VCP: variants seen among roughly 807,000 people sequenced by gnomAD.
VCP encodes the protein valosin containing protein.
In VCP, 6 loss-of-function variants were observed where a neutral mutation model predicts 85.7. That is an observed-to-expected ratio of 0.07 (90% CI 0.04 to 0.14). The LOEUF is 0.14. Ranked by LOEUF, VCP falls within the 10% of genes least tolerant of loss-of-function variation. The probability of loss-of-function intolerance (pLI) is 1.00; values close to 1 mark genes in which losing one functional copy is unlikely to be tolerated. For synonymous variants in VCP, 384 were observed against 367.1 expected, an observed-to-expected ratio of 1.05 and a Z score of -0.53; for missense variants, 353 against 1,043.4, an observed-to-expected ratio of 0.34 and a Z score of 9.12.
In VCP at chr9:35,068,300, A is replaced by G; in HGVS notation, c.80T>C (p.Ile27Thr). ...LKQKNRPNRLIVDEAINEDNS... is the reference protein window; with the variant it reads ...LKQKNRPNRLTVDEAINEDNS... ...GTCCTCATTGATGGCTTCATCAACA[A>G]TTAACCGATTGGGACGGTTCTTCTG... The change falls in exon 2 of 17, where the codon ATT (isoleucine) becomes ACT (threonine). Residue 27 changes from isoleucine to threonine, a missense_variant. Ile to Thr is a moderately conservative substitution (Grantham distance 89). Transcript: ENST00000358901. 11 of 1,614,210 alleles carry G rather than the reference A, an allele frequency of 6.8e-6. No individual in the cohort carries two copies. Among genetic ancestry groups the G allele is most frequent in the Non-Finnish European group, 8.5e-6 (10 of 1,180,030 alleles).
At chr9:35,066,283 A>T (rs1224529334) in intron 4 of VCP, among the ~76,000 whole-genome samples, 1 of 141,154 alleles carries the variant, frequency 7.1e-6, no homozygotes, top group African/African-American at 2.6e-5. Flanking sequence ...TTTTTTTGAG[A>T]CAGAGTCTTG....
Position 35,067,964 on chromosome 9 carries a change from A to C in VCP, c.229T>G (p.Cys77Gly), listed in dbSNP as rs781182130. The C allele has an allele frequency of 1.2e-6, 2 of 1,614,250 alleles. No homozygotes were observed. Among genetic ancestry groups the C allele is most frequent in the Non-Finnish European group, 1.7e-6 (2 of 1,180,060 alleles). ...TTCATCCGAATCTTCTCATCAGAAC[A>C]AGTATCATCAGAAAGGACGATGCAA... The part of the protein sequence containing the change: ...AVCIVLSDDT[C>G]SDEKIRMNRV... Residue 77 changes from cysteine (C) to glycine (G), a missense_variant, in exon 3 of 17, where the codon TGT becomes GGT. By Grantham distance (159) the Cys-to-Gly change is radical (BLOSUM62 -3). Transcript: ENST00000358901.
intron 1 of VCP, among the ~76,000 whole-genome samples, chr9:35,070,548 CTCA>C (rs1828919947): frequency 6.6e-6 from 1 of 152,188 alleles, no homozygotes; most frequent in Non-Finnish European, 1.5e-5. Context: ...ATTCTCCTGT[CTCA>C]GCCTCCAGAG....
At chr9:35,065,884 T>C (rs2131037507) in intron 4 of VCP, among the ~76,000 whole-genome samples, 1 of 152,198 alleles carries the variant, frequency 6.6e-6, no homozygotes, top group East Asian at 1.9e-4. Context: ...AAAATGAGTC[T>C]AGCGGCCGGG....
chr9:35,071,421 G>A (rs1267647227), intron 1 of VCP, among the ~76,000 whole-genome samples: 1 of 149,620 alleles, frequency 6.7e-6, no homozygotes, highest in Non-Finnish European at 1.5e-5. Flanking sequence ...AAGCCCCAGA[G>A]CCCGGGTAAT....
chr9:35,071,293 G>GTTTTTTTTTTTT (rs869178164), intron 1 of VCP, among the ~76,000 whole-genome samples: 1 of 69,088 alleles, frequency 1.4e-5, no homozygotes, highest in African/African-American at 5.7e-5. Flanking sequence ...GGCTGGCTGT[G>GTTTTTTTTTTTT]TTTTTTTTTT....
At chr9:35,071,446 G>A (rs1261871880) in intron 1 of VCP, among the ~76,000 whole-genome samples, 2 of 151,804 alleles carry the variant, frequency 1.3e-5, no homozygotes, top group Non-Finnish European at 2.9e-5. Flanking sequence ...CAATATAGCT[G>A]GTTGGGGAAA....
In VCP at chr9:35,061,159, C is replaced by A. The variant is rs776790779; in HGVS notation, c.1215G>T (p.Gly405=). ...DLEQVANETH[G]HVGADLAALC... ...GGGCTGCTAAGTCAGCACCCACATG[C>A]CCGTGAGTCTCATTGGCTACCTGCA... The change falls in exon 11 of 17, where the codon GGG becomes GGT. Residue 405 remains glycine (G), a synonymous_variant. Transcript: ENST00000358901. The A allele has an allele frequency of 6.2e-6, 10 of 1,613,460 alleles. No individual in the cohort carries two copies. The East Asian group carries it at 2.0e-4, about 32-fold the overall frequency.
At chr9:35,064,756 C>G (rs1828794145) in intron 5 of VCP, among the ~76,000 whole-genome samples, 1 of 152,182 alleles carries the variant, frequency 6.6e-6, no homozygotes, top group Non-Finnish European at 1.5e-5. Flanking sequence ...TGGGTTCAGT[C>G]TAGTTTTTTG....
chr9:35,072,614 T>A lies in VCP; in HGVS notation c.-261A>T, dbSNP rs1180571259. 2 of 471,072 alleles carry A rather than the reference T, an allele frequency of 4.2e-6. No homozygotes were observed. The highest frequency in any genetic ancestry group is 7.4e-6 in the Non-Finnish European group (2 of 269,512). 29.2% of individuals were successfully genotyped at this position (471,072 alleles called of 1,614,324 possible). ...CGACTCAAACGACGGTCGCAGACGC[T>A]TCGCTGAGACTGAGCCGAGAAGAGC... On this transcript the variant is annotated 5_prime_UTR_variant, in exon 1 of 17. It adds an upstream start codon to the 5' untranslated region. Coordinates refer to ENST00000358901, the MANE Select transcript of VCP (RefSeq NM_007126.5).
In VCP at chr9:35,057,105, G is replaced by A. The variant is rs62544156; in HGVS notation, c.*12C>T. 1,915 of 1,613,728 alleles carry A rather than the reference G, an allele frequency of 1.2e-3. 2 individuals carry two copies. The highest frequency in any genetic ancestry group is 1.4e-3 in the Non-Finnish European group (1,696 of 1,179,856). ...CAGGCAGGCCAGCTCACTGCACGCT[G>A]GCCACCACCACTTAGCCATACAGGT... On this transcript the variant is annotated 3_prime_UTR_variant, in exon 17 of 17. Transcript: ENST00000358901.
intron 1 of VCP, among the ~76,000 whole-genome samples, chr9:35,069,953 A>G (rs182875014): frequency 6.6e-6 from 1 of 152,340 alleles, no homozygotes; most frequent in East Asian, 1.9e-4. Context: ...ACAAAACAAG[A>G]CAAAATAGTA....
At chr9:35,060,042 G>T in intron 13 of VCP, 1 of 667,960 alleles carries the variant, frequency 1.5e-6, no homozygotes, top group Non-Finnish European at 2.5e-6. Context: ...TGAAGTAGGA[G>T]AATTGCTTAA....
At chr9:35,068,477 A>G in intron 1 of VCP, 115 bp from the exon 2 acceptor site, 1 of 984,868 alleles carries the variant, frequency 1.0e-6, no homozygotes, top group Non-Finnish European at 1.6e-6. Flanking sequence ...TAGACCAGAA[A>G]GCTCAGATGA....
chr9:35,067,345 G>C (rs1471568997), intron 3 of VCP, among the ~76,000 whole-genome samples: 2 of 152,052 alleles, frequency 1.3e-5, no homozygotes, highest in Non-Finnish European at 2.9e-5. Context: ...TCCAAGATGG[G>C]GTAACCTCTT....
intron 12 of VCP, 23 bp from the exon 13 acceptor site, chr9:35,060,548 T>A: frequency 6.2e-7 from 1 of 1,610,522 alleles, no homozygotes; most frequent in Non-Finnish European, 8.5e-7. Flanking sequence ...GGAAAGAGGG[T>A]TCAAGGCTAC....
In VCP at chr9:35,059,356, CT is replaced by C. The variant is rs1437954878; in HGVS notation, c.2004+136del. On this transcript the variant is annotated intron_variant, in intron 14 of 16. Coordinates refer to ENST00000358901, the MANE Select transcript of VCP (RefSeq NM_007126.5). The surrounding 1 kb of genome is among the most constrained non-coding windows in gnomAD (Gnocchi z 4.9). Reference sequence around the variant, plus strand: ...CATTTTATTCCTGATTCTAGATTATCTTGATATCCTCAAAAATTCTACCTTC... The same window carrying C: ...CATTTTATTCCTGATTCTAGATTATCTGATATCCTCAAAAATTCTACCTTC... The C allele has an allele frequency of 2.6e-6, 4 of 1,526,710 alleles. No individual in the cohort carries two copies. In the East Asian group the frequency reaches 9.6e-5, roughly 37 times the overall value. 94.6% of individuals were successfully genotyped at this position (1,526,710 alleles called of 1,614,324 possible). A position where few individuals can be genotyped will look rare whatever the true frequency, so the allele number is the denominator to read the frequency against.
rs1828674837 is a variant in VCP at position 35,059,318 on chromosome 9, TC to T, written c.2005-100del. The T allele has an allele frequency of 6.4e-7, 1 of 1,570,192 alleles. No individual in the cohort carries two copies. Among genetic ancestry groups the T allele is most frequent in the African/African-American group, 1.4e-5 (1 of 73,916 alleles). On this transcript the variant is annotated intron_variant, in intron 14 of 16. Coordinates refer to ENST00000358901, the MANE Select transcript of VCP (RefSeq NM_007126.5). The surrounding 1 kb of genome is among the most constrained non-coding windows in gnomAD (Gnocchi z 4.9). Reference sequence around the variant, plus strand: ...GCACTCCCAACTACAGTTTGCCCCTTCTTTGGCCACCCCATTTTATTCCTGA... The same window carrying T: ...GCACTCCCAACTACAGTTTGCCCCTTTTTGGCCACCCCATTTTATTCCTGA...
At position 35,060,356 on chromosome 9, in the gene VCP, C is replaced by T; in HGVS notation, c.1652G>A (p.Trp551Ter). 1 of 1,614,232 alleles carries T rather than the reference C, an allele frequency of 6.2e-7. No homozygotes were observed. The highest frequency in any genetic ancestry group is 8.5e-7 in the Non-Finnish European group (1 of 1,180,046). ...SIKGPELLTM[W>*]FGESEANVRE... Reference sequence around the variant, plus strand: ...GACATTGGCCTCAGACTCCCCAAACCACATGGTGAGCAGCTCAGGACCCTT... The same window carrying T: ...GACATTGGCCTCAGACTCCCCAAACTACATGGTGAGCAGCTCAGGACCCTT... Residue 551 changes from tryptophan (W) to a stop codon, truncating the protein, a stop_gained, in exon 13 of 17, where the codon TGG (tryptophan) becomes TAG (stop). Transcript: ENST00000358901. LOFTEE classifies it high-confidence loss of function.
Sources: allele counts gnomAD v4.1 joint callset (sites outside exome capture counted in the v4.1 genomes callset), GRCh38; gene constraint gnomAD v4.1.1; non-coding constraint Gnocchi (gnomAD v3.1); transcripts MANE v1.5; gene names NCBI Gene and HGNC (gene_info 2026-07-23, HGNC 2026-07-21).